MIF: variants seen among roughly 807,000 people sequenced by gnomAD.
MIF encodes the protein macrophage migration inhibitory factor.
In MIF, 16 loss-of-function variants were observed where a neutral mutation model predicts 11.3. The ratio of observed to expected loss-of-function variants is 1.42; its 90% CI spans 0.96 to 2.16. The LOEUF is 2.16. MIF is among the 30% of genes most tolerant of loss of function. The pLI is 0.00. For missense variants in MIF, 229 were observed against 165.3 expected, an observed-to-expected ratio of 1.39 and a Z score of -2.11; for synonymous variants, 83 against 74.2, an observed-to-expected ratio of 1.12 and a Z score of -0.61.
At chr22:23,894,746 G>T (rs776062656) in intron 1 of MIF, 26 bp from the exon 2 acceptor site, 31 of 1,500,490 alleles carry the variant, frequency 2.1e-5, no homozygotes, top group South Asian at 2.0e-4. Context: ...TCGCTGGGGC[G>T]GGCTGACCGC....
chr22:23,894,528 G>C lies in MIF; in HGVS notation c.54G>C (p.Gly18=), dbSNP rs748223342. Residue 18 remains glycine (G), a synonymous_variant, in exon 1 of 3, where the codon GGG becomes GGC. Coordinates refer to ENST00000215754, the MANE Select transcript of MIF (RefSeq NM_002415.2). ...TNVPRASVPD[G]FLSELTQQLA... is the part of the protein sequence containing the mutation. Reference sequence around the variant, plus strand: ...TGCCCCGCGCCTCCGTGCCGGACGGGTTCCTCTCCGAGCTCACCCAGCAGC... The same window carrying C: ...TGCCCCGCGCCTCCGTGCCGGACGGCTTCCTCTCCGAGCTCACCCAGCAGC... 1 of 1,613,126 alleles carries C rather than the reference G, an allele frequency of 6.2e-7. No individual in the cohort carries two copies. The highest frequency in any genetic ancestry group is 1.3e-5 in the African/African-American group (1 of 74,926).
At chr22:23,894,609 G>A (rs970698765) in intron 1 of MIF, 27 bp downstream of exon 1, 25 of 1,602,682 alleles carry the variant, frequency 1.6e-5, no homozygotes, top group Non-Finnish European at 2.0e-5. Flanking sequence ...CAGGAAGAGG[G>A]GGGTGCCCAC....
chr22:23,894,678 C>A lies in MIF; in HGVS notation c.109-94C>A, dbSNP rs1225565755. ...GCGACTCCTGAACGGAGCTGGGGGG[C>A]GGGGCGGGGGGAGGACGGTGGCTCG... On this transcript the variant is annotated intron_variant, in intron 1 of 2. Transcript: ENST00000215754. The A allele has an allele frequency of 2.0e-5, 9 of 452,698 alleles. No homozygotes were observed. In the Admixed American group the frequency reaches 2.5e-4, roughly 13 times the overall value. 28.0% of individuals were successfully genotyped at this position (452,698 alleles called of 1,614,324 possible).
Position 23,894,570 on chromosome 22 carries a change from C to A in MIF, c.96C>A (p.Gly32=). The A allele has an allele frequency of 6.2e-7, 1 of 1,612,618 alleles. No individual in the cohort carries two copies. Among genetic ancestry groups the A allele is most frequent in the Non-Finnish European group, 8.5e-7 (1 of 1,179,612 alleles). The part of the protein sequence containing the change: ...ELTQQLAQAT[G]KPPQYIAVHV... ...CCCAGCAGCTGGCGCAGGCCACCGGCAAGCCCCCCCAGGTTTGCCGGGAGG... is the reference window on the plus strand; with the variant it reads ...CCCAGCAGCTGGCGCAGGCCACCGGAAAGCCCCCCCAGGTTTGCCGGGAGG... Residue 32 remains glycine (G), a synonymous_variant, in exon 1 of 3, where the codon GGC becomes GGA. Coordinates refer to ENST00000215754, the MANE Select transcript of MIF (RefSeq NM_002415.2).
rs201465617 is a variant in MIF, at chr22:23,894,489, C to G, written c.15C>G (p.Ile5Met). The change falls in exon 1 of 3, where the codon ATC (isoleucine) becomes ATG (methionine). Residue 5 changes from isoleucine (I) to methionine (M), a missense_variant. Ile to Met is a conservative substitution (Grantham distance 10, BLOSUM62 1). Coordinates refer to ENST00000215754, the MANE Select transcript of MIF (RefSeq NM_002415.2). Reference sequence around the variant, plus strand: ...CTTCTGCCATCATGCCGATGTTCATCGTAAACACCAACGTGCCCCGCGCCT... The same window carrying G: ...CTTCTGCCATCATGCCGATGTTCATGGTAAACACCAACGTGCCCCGCGCCT... MPMF[I>M]VNTNVPRASV... is the part of the protein sequence containing the mutation. 4.3e-6 allele frequency: 7 copies of G among 1,613,146 alleles called. No homozygotes were observed. The highest frequency in any genetic ancestry group is 5.1e-6 in the Non-Finnish European group (6 of 1,179,778).
In MIF at chr22:23,894,580, C is replaced by T; in HGVS notation, c.106C>T (p.Gln36Ter). The change falls in exon 1 of 3, where the codon CAG becomes TAG. Residue 36 changes from glutamine (Q) to a stop codon, truncating the protein, a stop_gained and splice_region_variant. Coordinates refer to ENST00000215754, the MANE Select transcript of MIF (RefSeq NM_002415.2). LOFTEE classifies it high-confidence loss of function. ...GGCGCAGGCCACCGGCAAGCCCCCCCAGGTTTGCCGGGAGGGGACAGGAAG... is the reference window on the plus strand; with the variant it reads ...GGCGCAGGCCACCGGCAAGCCCCCCTAGGTTTGCCGGGAGGGGACAGGAAG... ...QLAQATGKPPQYIAVHVVPDQ... is the reference protein window; with the variant it reads ...QLAQATGKPP 1 of 1,612,238 alleles carries T rather than the reference C, an allele frequency of 6.2e-7. No homozygotes were observed. Among genetic ancestry groups the T allele is most frequent in the Non-Finnish European group, 8.5e-7 (1 of 1,179,408 alleles).
Position 23,894,601 on chromosome 22 carries a change from G to A in MIF, c.108+19G>A. ...CCCCCAGGTTTGCCGGGAGGGGACA[G>A]GAAGAGGGGGGTGCCCACCGGACGA... On this transcript the variant is annotated intron_variant, in intron 1 of 2. Coordinates refer to ENST00000215754, the MANE Select transcript of MIF (RefSeq NM_002415.2). 1.2e-6 allele frequency: 2 copies of A among 1,606,044 alleles called. No homozygotes were observed. Among genetic ancestry groups the A allele is most frequent in the Non-Finnish European group, 1.7e-6 (2 of 1,174,702 alleles).
Position 23,894,592 on chromosome 22 carries a change from G to T in MIF, c.108+10G>T. 1 of 1,610,642 alleles carries T rather than the reference G, an allele frequency of 6.2e-7. No homozygotes were observed. The highest frequency in any genetic ancestry group is 8.5e-7 in the Non-Finnish European group (1 of 1,178,326). ...CGGCAAGCCCCCCCAGGTTTGCCGGGAGGGGACAGGAAGAGGGGGGTGCCC... is the reference window on the plus strand; with the variant it reads ...CGGCAAGCCCCCCCAGGTTTGCCGGTAGGGGACAGGAAGAGGGGGGTGCCC... On this transcript the variant is annotated intron_variant, in intron 1 of 2. Transcript: ENST00000215754.
rs2033136203 is a variant in MIF at position 23,895,127 on chromosome 22, G to C, written c.*21G>C. ...CCTAAGAGCCGCAGGGACCCACGCT[G>C]TCTGCGCTGGCTCCACCCGGGAACC... On this transcript the variant is annotated 3_prime_UTR_variant, in exon 3 of 3. Coordinates refer to ENST00000215754, the MANE Select transcript of MIF (RefSeq NM_002415.2). The C allele has an allele frequency of 6.4e-7, 1 of 1,551,568 alleles. No individual in the cohort carries two copies. The highest frequency in any genetic ancestry group is 8.7e-7 in the Non-Finnish European group (1 of 1,146,908).
chr22:23,894,834 C>A lies in MIF; in HGVS notation c.171C>A (p.Cys57Ter). The A allele has an allele frequency of 6.4e-7, 1 of 1,554,654 alleles. No individual in the cohort carries two copies. Among genetic ancestry groups the A allele is most frequent in the Non-Finnish European group, 8.7e-7 (1 of 1,154,460 alleles). Residue 57 changes from cysteine to a stop codon, truncating the protein, a stop_gained, in exon 2 of 3, where the codon TGC becomes TGA. Transcript: ENST00000215754. LOFTEE classifies it high-confidence loss of function. ...LMAFGGSSEP[C>*]ALCSLHSIGK... Reference sequence around the variant, plus strand: ...CCTTCGGCGGCTCCAGCGAGCCGTGCGCGCTCTGCAGCCTGCACAGCATCG... The same window carrying A: ...CCTTCGGCGGCTCCAGCGAGCCGTGAGCGCTCTGCAGCCTGCACAGCATCG...
chr22:23,895,060 A>T lies in MIF; in HGVS notation c.302A>T (p.Asp101Val). 1 of 1,558,470 alleles carries T rather than the reference A, an allele frequency of 6.4e-7. No homozygotes were observed. The highest frequency in any genetic ancestry group is 1.4e-5 in the African/African-American group (1 of 73,556). ...CGCAGGGTCTACATCAACTATTACG[A>T]CATGAACGCGGCCAATGTGGGCTGG... ...SPDRVYINYY[D>V]MNAANVGWNN... Residue 101 changes from aspartate (D) to valine (V), a missense_variant, in exon 3 of 3, where the codon GAC becomes GTC. Transcript: ENST00000215754.
rs1300543835 is a variant in MIF, at chr22:23,895,087, A to T, written c.329A>T (p.Asn110Ile). 2 of 1,558,454 alleles carry T rather than the reference A, an allele frequency of 1.3e-6. No homozygotes were observed. The highest frequency in any genetic ancestry group is 2.4e-5 in the South Asian group (2 of 84,688). ...ATGAACGCGGCCAATGTGGGCTGGA[A>T]CAACTCCACCTTCGCCTAAGAGCCG... ...YDMNAANVGW[N>I]NSTFA The change falls in exon 3 of 3, where the codon AAC becomes ATC. Residue 110 changes from asparagine (N) to isoleucine (I), a missense_variant. Physicochemically the swap from Asn to Ile is moderately radical, Grantham distance 149 (BLOSUM62 -3). Transcript: ENST00000215754.
rs918474617 is a variant in MIF at position 23,894,683 on chromosome 22, C to T, written c.109-89C>T. On this transcript the variant is annotated intron_variant, in intron 1 of 2. Transcript: ENST00000215754. The stretch of plus-strand genomic sequence containing the variant: ...TCCTGAACGGAGCTGGGGGGCGGGG[C>T]GGGGGGAGGACGGTGGCTCGGGCCC... 5.0e-3 allele frequency: 2,307 copies of T among 465,478 alleles called. 4 individuals carry two copies. The highest frequency in any genetic ancestry group is 6.5e-3 in the Non-Finnish European group (1,826 of 280,124). 28.8% of individuals were successfully genotyped at this position (465,478 alleles called of 1,614,324 possible).
Position 23,894,440 on chromosome 22 carries a change from T to TGCCTCTGC in MIF, c.-32_-25dup, listed in dbSNP as rs776908147. 8 of 1,551,260 alleles carry TGCCTCTGC rather than the reference T, an allele frequency of 5.2e-6. No individual in the cohort carries two copies. Among genetic ancestry groups the TGCCTCTGC allele is most frequent in the Middle Eastern group, 1.7e-4 (1 of 5,962 alleles). On this transcript the variant is annotated 5_prime_UTR_variant, in exon 1 of 3. Coordinates refer to ENST00000215754, the MANE Select transcript of MIF (RefSeq NM_002415.2). ...GCGGCGGCCGCGGCGCGTGCGTCTG[T>TGCCTCTGC]GCCTCTGCGCGGGTCTCCTGGTCCT...
At position 23,894,949 on chromosome 22, in the gene MIF, G is replaced by A. The variant is rs2033130335; in HGVS notation, c.281+5G>A. On this transcript the variant is annotated splice_donor_5th_base_variant and intron_variant, in intron 2 of 2. Transcript: ENST00000215754. ...CCTGCGCATCAGCCCGGACAGGTAC[G>A]CGGAGTCGCGGAGGGGCGGGGGAGG... is the stretch of plus-strand genomic sequence containing the variant. 3 of 1,550,826 alleles carry A rather than the reference G, an allele frequency of 1.9e-6. No individual in the cohort carries two copies. Among genetic ancestry groups the A allele is most frequent in the African/African-American group, 2.7e-5 (2 of 73,116 alleles).
In MIF at chr22:23,894,816, C is replaced by A; in HGVS notation, c.153C>A (p.Gly51=). The change falls in exon 2 of 3, where the codon GGC becomes GGA. Residue 51 remains glycine, a synonymous_variant. Transcript: ENST00000215754. The part of the protein sequence containing the change: ...HVVPDQLMAF[G]GSSEPCALCS... The stretch of plus-strand genomic sequence containing the variant: ...TCCCGGACCAGCTCATGGCCTTCGG[C>A]GGCTCCAGCGAGCCGTGCGCGCTCT... The A allele has an allele frequency of 1.3e-6, 2 of 1,556,328 alleles. No homozygotes were observed. Among genetic ancestry groups the A allele is most frequent in the South Asian group, 1.2e-5 (1 of 85,806 alleles).
intron 1 of MIF, 73 bp downstream of exon 1, chr22:23,894,655 G>T: frequency 7.5e-7 from 1 of 1,331,614 alleles, no homozygotes. Context: ...CTGGGGAGGC[G>T]ACTCCTGAAC....
In MIF at chr22:23,894,541, C is replaced by T. The variant is rs533563568; in HGVS notation, c.67C>T (p.Leu23Phe). ...CGTGCCGGACGGGTTCCTCTCCGAGCTCACCCAGCAGCTGGCGCAGGCCAC... is the reference window on the plus strand; with the variant it reads ...CGTGCCGGACGGGTTCCTCTCCGAGTTCACCCAGCAGCTGGCGCAGGCCAC... ...ASVPDGFLSELTQQLAQATGK... is the reference protein window; with the variant it reads ...ASVPDGFLSEFTQQLAQATGK... Residue 23 changes from leucine to phenylalanine, a missense_variant, in exon 1 of 3, where the codon CTC becomes TTC. Transcript: ENST00000215754. 1.2e-6 allele frequency: 2 copies of T among 1,613,158 alleles called. No homozygotes were observed. The highest frequency in any genetic ancestry group is 2.2e-5 in the South Asian group (2 of 91,088).
chr22:23,894,420 G>A lies in MIF; in HGVS notation c.-55G>A. On this transcript the variant is annotated 5_prime_UTR_variant, in exon 1 of 3. Coordinates refer to ENST00000215754, the MANE Select transcript of MIF (RefSeq NM_002415.2). The stretch of plus-strand genomic sequence containing the variant: ...GAAGTCAGGCACGTAGCTCAGCGGC[G>A]GCCGCGGCGCGTGCGTCTGTGCCTC... The A allele has an allele frequency of 7.0e-7, 1 of 1,437,544 alleles. No individual in the cohort carries two copies. Among genetic ancestry groups the A allele is most frequent in the South Asian group, 1.1e-5 (1 of 87,148 alleles). The allele number at this position is 1,437,544 out of a possible 1,614,324, so 89.0% of individuals were successfully genotyped here. A position where few individuals can be genotyped will look rare whatever the true frequency, so the allele number is the denominator to read the frequency against.
Sources: allele counts gnomAD v4.1 joint callset, GRCh38; gene constraint gnomAD v4.1.1; transcripts MANE v1.5; gene names NCBI Gene and HGNC (gene_info 2026-07-23, HGNC 2026-07-21).